STK32B: variants seen among roughly 807,000 people sequenced by gnomAD.
The protein encoded by STK32B is serine/threonine-protein kinase 32B.
Under a neutral mutation model 52.6 loss-of-function variants are expected in STK32B, and 43 were observed. That is an observed-to-expected ratio of 0.82 (90% CI 0.64 to 1.05). The LOEUF (loss-of-function observed/expected upper bound fraction) is 1.05. Among genes scored for constraint, STK32B ranks in the 50% least tolerant of loss-of-function variants. The pLI is 0.00. For missense variants in STK32B, 621 were observed against 534.6 expected, an observed-to-expected ratio of 1.16 and a Z score of -1.59; for synonymous variants, 238 against 204.3, an observed-to-expected ratio of 1.17 and a Z score of -1.41.
chr4:5,193,663 C>T (rs1000538006), intron 3 of STK32B, among the ~76,000 whole-genome samples: 2 of 152,228 alleles, frequency 1.3e-5, no homozygotes, highest in African/African-American at 4.8e-5. Flanking sequence ...GCCTCAGAGG[C>T]TTCTTCACAA....
intron 1 of STK32B, among the ~76,000 whole-genome samples, chr4:5,113,290 C>T (rs183203440): frequency 1.3e-5 from 2 of 152,248 alleles, no homozygotes; most frequent in East Asian, 3.9e-4. Flanking sequence ...AGCAAGCCCT[C>T]ACAAGACGTT....
chr4:5,484,766 T>C (rs1358999971), intron 11 of STK32B, among the ~76,000 whole-genome samples: 1 of 152,178 alleles, frequency 6.6e-6, no homozygotes, highest in African/African-American at 2.4e-5. Context: ...CTTCAGGAGC[T>C]CTTTTAGGGC....
In STK32B at chr4:5,398,518, AG is replaced by A. The variant is rs1737070537; in HGVS notation, c.472+275del. On this transcript the variant is annotated intron_variant, in intron 5 of 11. Transcript: ENST00000282908. This position sits in a 1 kb window ranked among gnomAD's most constrained non-coding sequence, Gnocchi z 4.9. Reference sequence around the variant, plus strand: ...GGAGGACAGGGCCGCCGTGAGGATGAGCCCGGGGTTCCAACCCCAACTCCCT... The same window carrying A: ...GGAGGACAGGGCCGCCGTGAGGATGACCCGGGGTTCCAACCCCAACTCCCT... 1.3e-5 allele frequency among the ~76,000 whole-genome samples: 2 copies of A among 152,276 alleles called. No individual in the cohort carries two copies. Among genetic ancestry groups the A allele is most frequent in the Admixed American group, 6.5e-5 (1 of 15,302 alleles).
At chr4:5,284,717 G>T (rs1464138913) in intron 3 of STK32B, among the ~76,000 whole-genome samples, 1 of 152,176 alleles carries the variant, frequency 6.6e-6, no homozygotes, top group East Asian at 1.9e-4. Context: ...GAGCCCAAGT[G>T]TTGCTTCTGC....
chr4:5,252,236 T>C (rs1725985358), intron 3 of STK32B, among the ~76,000 whole-genome samples: 1 of 152,220 alleles, frequency 6.6e-6, no homozygotes, highest in Non-Finnish European at 1.5e-5. Flanking sequence ...AGATTTGTCA[T>C]TATTGGCCAT....
At chr4:5,243,323 T>G (rs946861224) in intron 3 of STK32B, among the ~76,000 whole-genome samples, 3 of 152,192 alleles carry the variant, frequency 2.0e-5, no homozygotes, top group African/African-American at 7.2e-5. Context: ...CCTAAGTATT[T>G]TATTCTCTTT....
chr4:5,066,443 A>T (rs1384239528), intron 1 of STK32B, among the ~76,000 whole-genome samples: 1 of 152,184 alleles, frequency 6.6e-6, no homozygotes, highest in East Asian at 1.9e-4. Flanking sequence ...ATAGCTTCAA[A>T]TCACAAGTAT....
intron 3 of STK32B, among the ~76,000 whole-genome samples, chr4:5,225,773 G>A (rs1723826539): frequency 6.6e-6 from 1 of 152,218 alleles, no homozygotes; most frequent in African/African-American, 2.4e-5. Flanking sequence ...AACCAACGGA[G>A]TTTTAGAAAT....
intron 4 of STK32B, among the ~76,000 whole-genome samples, chr4:5,397,503 T>A (rs1420469824): frequency 1.3e-5 from 2 of 152,138 alleles, no homozygotes; most frequent in Non-Finnish European, 2.9e-5. Context: ...TTCCAGAAAC[T>A]CCTCTGCCCA....
intron 6 of STK32B, among the ~76,000 whole-genome samples, chr4:5,434,586 C>T (rs1018446726): frequency 3.9e-5 from 6 of 151,942 alleles, no homozygotes; most frequent in South Asian, 4.2e-4. Context: ...GGGAATGGAA[C>T]TGGGTTCAAA....
chr4:5,273,050 A>G (rs1454665025), intron 3 of STK32B, among the ~76,000 whole-genome samples: 1 of 138,296 alleles, frequency 7.2e-6, no homozygotes, highest in Non-Finnish European at 1.5e-5. Flanking sequence ...CAGAGTGAAC[A>G]GGCAACCTAC....
chr4:5,408,178 T>G (rs1737800531), intron 5 of STK32B, among the ~76,000 whole-genome samples: 1 of 152,128 alleles, frequency 6.6e-6, no homozygotes, highest in Non-Finnish European at 1.5e-5. Flanking sequence ...GGAAAGAAGC[T>G]AATAAGGTAC....
intron 2 of STK32B, among the ~76,000 whole-genome samples, chr4:5,154,670 ATC>A (rs1472089538): frequency 3.9e-5 from 6 of 152,164 alleles, no homozygotes; most frequent in Non-Finnish European, 8.8e-5. Context: ...CATCCTCACC[ATC>A]TCTCTCACAC....
At chr4:5,490,309 G>C (rs761977543) in intron 11 of STK32B, among the ~76,000 whole-genome samples, 11 of 152,014 alleles carry the variant, frequency 7.2e-5, no homozygotes, top group Non-Finnish European at 1.6e-4. Flanking sequence ...GTTTCACCTT[G>C]TTGGCAAGGC....
chr4:5,416,677 C>T (rs980278389), intron 5 of STK32B, among the ~76,000 whole-genome samples, 168 bp from the exon 6 acceptor site: 1 of 152,216 alleles, frequency 6.6e-6, no homozygotes, highest in Non-Finnish European at 1.5e-5. Flanking sequence ...AATTTACATT[C>T]TGAAACATGC....
intron 4 of STK32B, among the ~76,000 whole-genome samples, chr4:5,388,559 T>C (rs1292639141): frequency 6.6e-6 from 1 of 152,202 alleles, no homozygotes; most frequent in Non-Finnish European, 1.5e-5. Context: ...CACCCTTCTA[T>C]TGTTTTCCAT....
At chr4:5,299,388 T>C (rs1050740452) in intron 3 of STK32B, among the ~76,000 whole-genome samples, 4 of 151,902 alleles carry the variant, frequency 2.6e-5, no homozygotes, top group African/African-American at 9.7e-5. Flanking sequence ...AGTAGTGCCC[T>C]AGGATTTTTA....
intron 3 of STK32B, among the ~76,000 whole-genome samples, chr4:5,330,742 C>T (rs551102690): frequency 2.0e-5 from 3 of 152,190 alleles, no homozygotes; most frequent in African/African-American, 7.2e-5. Context: ...AAGGCCTAGA[C>T]TTGGATGTCC....
At chr4:5,056,802 T>C (rs1215665036) in intron 1 of STK32B, among the ~76,000 whole-genome samples, 1 of 152,168 alleles carries the variant, frequency 6.6e-6, no homozygotes, top group East Asian at 1.9e-4. Flanking sequence ...GGGGGTAGAG[T>C]CAGCTCCACT....
Sources: allele counts gnomAD v4.1 joint callset (sites outside exome capture counted in the v4.1 genomes callset), GRCh38; gene constraint gnomAD v4.1.1; non-coding constraint Gnocchi (gnomAD v3.1); transcripts MANE v1.5; gene names NCBI Gene and HGNC (gene_info 2026-07-23, HGNC 2026-07-21).